The following RBFOX1 variants were observed in gnomAD, a reference collection of about 807,000 sequenced individuals.
RBFOX1 encodes the protein RNA binding fox-1 homolog 1.
A neutral mutation model predicts 57.7 loss-of-function variants in RBFOX1; 8 were observed. The ratio of observed to expected loss-of-function variants is 0.14; its 90% CI spans 0.08 to 0.25. The LOEUF (loss-of-function observed/expected upper bound fraction) is 0.25. RBFOX1 is among the 10% of genes least tolerant of loss of function. The pLI is 1.00. For synonymous variants in RBFOX1, 326 were observed against 222.4 expected, an observed-to-expected ratio of 1.47 and a Z score of -4.15; for missense variants, 611 against 548.5, an observed-to-expected ratio of 1.11 and a Z score of -1.14.
At chr16:7,580,186 C>T (rs1319920069) in intron 6 of RBFOX1, among the ~76,000 whole-genome samples, 1 of 152,120 alleles carries the variant, frequency 6.6e-6, no homozygotes, top group African/African-American at 2.4e-5. Flanking sequence ...ACACAAATTC[C>T]TAGATGACCC....
intron 4 of RBFOX1, among the ~76,000 whole-genome samples, chr16:7,280,403 G>A (rs918178693): frequency 1.3e-5 from 2 of 152,202 alleles, no homozygotes; most frequent in Non-Finnish European, 2.9e-5. Flanking sequence ...CACAGTATCT[G>A]CACAATGTCC....
At chr16:5,794,100 C>T (rs763861953) in intron 3 of RBFOX1, among the ~76,000 whole-genome samples, 8 of 152,114 alleles carry the variant, frequency 5.3e-5, no homozygotes, top group Non-Finnish European at 7.3e-5. Context: ...AATTCCAGTA[C>T]ATCTGTGGTG....
chr16:6,576,628 TGGG>T (rs1363205659), intron 2 of RBFOX1, among the ~76,000 whole-genome samples: 1 of 148,488 alleles, frequency 6.7e-6, no homozygotes, highest in Non-Finnish European at 1.5e-5. Flanking sequence ...TAACAGCTAA[TGGG>T]GGGTTGTTCC....
chr16:7,554,439 T>A (rs2087636419), intron 5 of RBFOX1, among the ~76,000 whole-genome samples: 1 of 152,170 alleles, frequency 6.6e-6, no homozygotes, highest in Non-Finnish European at 1.5e-5. Flanking sequence ...TTGCACTGCA[T>A]GTGGTAAAGA....
chr16:7,196,422 A>G (rs913991571), intron 4 of RBFOX1, among the ~76,000 whole-genome samples: 1 of 152,152 alleles, frequency 6.6e-6, no homozygotes, highest in African/African-American at 2.4e-5. Flanking sequence ...AAATCAAGAA[A>G]CATCTTTCAT....
intron 4 of RBFOX1, among the ~76,000 whole-genome samples, chr16:5,890,097 A>C (rs966178565): frequency 2.6e-5 from 4 of 152,168 alleles, no homozygotes; most frequent in African/African-American, 9.7e-5. Flanking sequence ...GATCTTGGGT[A>C]AACTGTACTC....
chr16:7,215,878 C>T lies in RBFOX1; in HGVS notation c.27+163780C>T, dbSNP rs368103370. Reference sequence around the variant, plus strand: ...TAGCTGGGACTACAGGCGTCTGCCACGGCACCCGGCTAATTTTTGTATTTT... The same window carrying T: ...TAGCTGGGACTACAGGCGTCTGCCATGGCACCCGGCTAATTTTTGTATTTT... On this transcript the variant is annotated intron_variant, in intron 4 of 15. Coordinates refer to ENST00000550418, the MANE Select transcript of RBFOX1 (RefSeq NM_018723.4). Among the ~76,000 whole-genome samples the T allele has an allele frequency of 6.0e-4, 91 of 152,152 alleles. 1 individual carries two copies. Among genetic ancestry groups the T allele is most frequent in the Middle Eastern group, 3.4e-3 (1 of 294 alleles).
intron 2 of RBFOX1, among the ~76,000 whole-genome samples, chr16:5,554,818 CTTT>C (rs1308492359): frequency 6.6e-6 from 1 of 152,152 alleles, no homozygotes; most frequent in Admixed American, 6.5e-5. Context: ...ATTCATTTGT[CTTT>C]TTTCTTACTC....
rs71145245 is a variant in RBFOX1 at position 6,542,483 on chromosome 16, C to CTTTTTTTTTTTTTTT, written c.-63-112110_-63-112096dup. On this transcript the variant is annotated intron_variant, in intron 2 of 15. Transcript: ENST00000550418. Reference sequence around the variant, plus strand: ...CCACTGCCCTGTGTGGGACCATAGTCTTTTTTTTTTTTTTTTTTTTTTTTG... The same window carrying CTTTTTTTTTTTTTTT: ...CCACTGCCCTGTGTGGGACCATAGTCTTTTTTTTTTTTTTTTTTTTTTTTTTTTTTTTTTTTTTTG... Among the ~76,000 whole-genome samples, 134 of 55,726 alleles carry CTTTTTTTTTTTTTTT rather than the reference C, an allele frequency of 2.4e-3. 28 individuals are homozygous for CTTTTTTTTTTTTTTT. The highest frequency in any genetic ancestry group is 3.0e-3 in the Non-Finnish European group (98 of 32,834). The allele number at this position is 55,726 out of a possible 152,430, so 36.6% of individuals were successfully genotyped here.
At chr16:6,002,729 G>A (rs921257622) in intron 4 of RBFOX1, among the ~76,000 whole-genome samples, 2 of 152,134 alleles carry the variant, frequency 1.3e-5, no homozygotes, top group Non-Finnish European at 2.9e-5. Flanking sequence ...TTAAAATAGT[G>A]GCTGACACAT....
rs185074783 is a variant in RBFOX1, at chr16:6,576,591, C to T, written c.-63-78012C>T. On this transcript the variant is annotated intron_variant, in intron 2 of 15. Transcript: ENST00000550418. The stretch of plus-strand genomic sequence containing the variant: ...TATGTTTTTACTGAGTCCTCTGAAC[C>T]TTCTTTGAACTCCAACTGGGAGGAA... Among the ~76,000 whole-genome samples, 73 of 152,264 alleles carry T rather than the reference C, an allele frequency of 4.8e-4. 1 individual carries two copies. Among genetic ancestry groups the T allele is most frequent in the Non-Finnish European group, 9.6e-4 (65 of 68,026 alleles).
intron 3 of RBFOX1, among the ~76,000 whole-genome samples, chr16:5,606,218 C>T (rs2047572157): frequency 6.6e-6 from 1 of 152,078 alleles, no homozygotes. Context: ...GGTGGCTTCT[C>T]CAACCTTATC....
At chr16:5,916,010 C>G (rs764115454) in intron 4 of RBFOX1, among the ~76,000 whole-genome samples, 3 of 152,144 alleles carry the variant, frequency 2.0e-5, no homozygotes, top group African/African-American at 4.8e-5. Flanking sequence ...ATTTCTCCAG[C>G]CTTCACAGCA....
At chr16:5,453,329 G>T (rs1460316531) in intron 1 of RBFOX1, among the ~76,000 whole-genome samples, 2 of 152,170 alleles carry the variant, frequency 1.3e-5, no homozygotes, top group Non-Finnish European at 2.9e-5. Flanking sequence ...AATGCAGGGT[G>T]ATATGAGAGA....
chr16:6,947,971 C>G (rs2079901672), intron 3 of RBFOX1, among the ~76,000 whole-genome samples: 1 of 151,994 alleles, frequency 6.6e-6, no homozygotes, highest in Admixed American at 6.6e-5. Context: ...TAGAGACAGG[C>G]TCTTATCACG....
At chr16:7,590,863 G>GAAAAA (rs36061659) in intron 7 of RBFOX1, among the ~76,000 whole-genome samples, 4 of 102,922 alleles carry the variant, frequency 3.9e-5, no homozygotes, top group South Asian at 3.8e-4. Context: ...CTGTCTCTAA[G>GAAAAA]AAAAAAAAAA....
intron 4 of RBFOX1, among the ~76,000 whole-genome samples, chr16:7,102,188 A>G (rs1254558112): frequency 2.0e-5 from 3 of 152,192 alleles, no homozygotes; most frequent in Non-Finnish European, 4.4e-5. Flanking sequence ...CAGTTAAGCC[A>G]CTGTTTGCAG....
chr16:7,221,824 G>A (rs1276640115), intron 4 of RBFOX1, among the ~76,000 whole-genome samples: 2 of 152,166 alleles, frequency 1.3e-5, no homozygotes, highest in Non-Finnish European at 2.9e-5. Flanking sequence ...CACATACAGA[G>A]GCCTGAAAAG....
At chr16:6,631,040 CATG>C (rs2154058163) in intron 2 of RBFOX1, among the ~76,000 whole-genome samples, 1 of 152,136 alleles carries the variant, frequency 6.6e-6, no homozygotes, top group South Asian at 2.1e-4. Flanking sequence ...ATAAGCAAGA[CATG>C]ATGTTTAATA....
Sources: allele counts gnomAD v4.1 joint callset (sites outside exome capture counted in the v4.1 genomes callset), GRCh38; gene constraint gnomAD v4.1.1; transcripts MANE v1.5; gene names NCBI Gene and HGNC (gene_info 2026-07-23, HGNC 2026-07-21).